The following AUTS2 variants were observed in gnomAD, a reference collection of about 807,000 sequenced individuals.
AUTS2 encodes activator of transcription and developmental regulator AUTS2.
In AUTS2, 17 loss-of-function variants were observed where a neutral mutation model predicts 112.4. The ratio of observed to expected loss-of-function variants is 0.15; its 90% CI spans 0.10 to 0.23. The LOEUF (loss-of-function observed/expected upper bound fraction) is 0.23, where lower values mean the gene tolerates loss of function less well. Among genes scored for constraint, AUTS2 ranks in the 10% least tolerant of loss-of-function variants. The probability of loss-of-function intolerance (pLI) is 1.00; values close to 1 mark genes in which losing one functional copy is unlikely to be tolerated. For missense variants in AUTS2, 1,510 were observed against 1,701.6 expected (o/e 0.89, Z 1.98); for synonymous variants, 751 against 702.7 (o/e 1.07, Z -1.09).
chr7:70,482,884 A>G (rs1372928429), intron 5 of AUTS2, among the ~76,000 whole-genome samples: 1 of 152,192 alleles, frequency 6.6e-6, no homozygotes, highest in Non-Finnish European at 1.5e-5. Flanking sequence ...ACACACACAC[A>G]TAATTCCTAT....
intron 16 of AUTS2, 90 bp from the exon 17 acceptor site, chr7:70,785,865 G>C (rs1791426708): frequency 8.1e-7 from 1 of 1,229,278 alleles, no homozygotes; most frequent in Admixed American, 1.8e-5. Flanking sequence ...GAGAGGGCAG[G>C]GATCCCGCAT....
intron 5 of AUTS2, among the ~76,000 whole-genome samples, chr7:70,463,823 A>G (rs147705427): frequency 1.5e-3 from 230 of 152,356 alleles, no homozygotes; most frequent in African/African-American, 5.2e-3. Context: ...AGAGGGAGGA[A>G]GGAGGATGAA....
intron 4 of AUTS2, among the ~76,000 whole-genome samples, chr7:70,263,378 T>C (rs1017280447): frequency 1.3e-5 from 2 of 152,326 alleles, no homozygotes; most frequent in East Asian, 1.9e-4. Flanking sequence ...ATGATATTGG[T>C]ATTTTTAAAG....
At chr7:70,003,255 ATATATAATATAT>A (rs1799300501) in intron 2 of AUTS2, among the ~76,000 whole-genome samples, 2 of 122,540 alleles carry the variant, frequency 1.6e-5, no homozygotes, top group South Asian at 2.3e-4. Context: ...TTATATATGA[ATATATAATATAT>A]TATATATGTG....
In AUTS2 at chr7:69,774,042, T is replaced by C. The variant is rs12670159; in HGVS notation, c.310-125244T>C. 2.1e-3 allele frequency among the ~76,000 whole-genome samples: 315 copies of C among 152,312 alleles called. 9 individuals are homozygous for C. In the East Asian group the frequency reaches 0.054, roughly 26 times the overall value. ...TGCCCTGCTTTTTCCACTCTAGTGA[T>C]GATAGCGCCCTGGAGGAAGCAGAGT... On this transcript the variant is annotated intron_variant, in intron 1 of 18. Coordinates refer to ENST00000342771, the MANE Select transcript of AUTS2 (RefSeq NM_015570.4).
At chr7:70,479,965 G>A (rs1036669802) in intron 5 of AUTS2, among the ~76,000 whole-genome samples, 1 of 152,196 alleles carries the variant, frequency 6.6e-6, no homozygotes, top group Non-Finnish European at 1.5e-5. Context: ...TGTGTTCCAA[G>A]CACTGTGCTA....
At chr7:69,813,608 C>CA (rs1790639268) in intron 1 of AUTS2, among the ~76,000 whole-genome samples, 1 of 152,208 alleles carries the variant, frequency 6.6e-6, no homozygotes, top group Non-Finnish European at 1.5e-5. Flanking sequence ...AAGTGCTTGG[C>CA]AATGAGTCTT....
At chr7:70,524,878 G>T (rs918129830) in intron 5 of AUTS2, among the ~76,000 whole-genome samples, 1 of 152,158 alleles carries the variant, frequency 6.6e-6, no homozygotes. Context: ...CAGACGCCTC[G>T]ATGAGATCTT....
At chr7:69,919,820 T>C (rs1361270915) in intron 2 of AUTS2, among the ~76,000 whole-genome samples, 1 of 152,084 alleles carries the variant, frequency 6.6e-6, no homozygotes, top group Non-Finnish European at 1.5e-5. Flanking sequence ...TTTGATAATA[T>C]TAATATTTTA....
At chr7:70,251,268 G>T (rs1296949043) in intron 4 of AUTS2, among the ~76,000 whole-genome samples, 1 of 152,070 alleles carries the variant, frequency 6.6e-6, no homozygotes, top group African/African-American at 2.4e-5. Flanking sequence ...GTTTCACCAT[G>T]TTGGCCAGGC....
chr7:69,600,213 C>A (rs1329113615), intron 1 of AUTS2, among the ~76,000 whole-genome samples: 1 of 152,008 alleles, frequency 6.6e-6, no homozygotes, highest in African/African-American at 2.4e-5. Flanking sequence ...CCTCCCTGCA[C>A]CCCCTCCACA....
At chr7:69,924,732 G>C (rs1795941520) in intron 2 of AUTS2, among the ~76,000 whole-genome samples, 9 of 151,950 alleles carry the variant, frequency 5.9e-5, no homozygotes, top group Admixed American at 5.9e-4. Context: ...TGTATTTTTA[G>C]TAGAGATGAG....
At chr7:70,171,782 A>G (rs1369751133) in intron 4 of AUTS2, among the ~76,000 whole-genome samples, 1 of 152,104 alleles carries the variant, frequency 6.6e-6, no homozygotes, top group African/African-American at 2.4e-5. Flanking sequence ...TAAGAAATGA[A>G]TTTTTGTCAG....
At position 70,486,667 on chromosome 7, in the gene AUTS2, G is replaced by A. The variant is rs540583149; in HGVS notation, c.690+50886G>A. Among the ~76,000 whole-genome samples the A allele has an allele frequency of 9.2e-5, 14 of 152,302 alleles. 1 individual carries two copies. The South Asian group carries it at 2.9e-3, about 32-fold the overall frequency. On this transcript the variant is annotated intron_variant, in intron 5 of 18. Transcript: ENST00000342771. ...CCAGCTACTTGGGAGGCTGAGGTGG[G>A]AGGATTGCTTGAACCTAATAGGCAG...
At chr7:69,682,212 T>C (rs1796828463) in intron 1 of AUTS2, among the ~76,000 whole-genome samples, 1 of 152,260 alleles carries the variant, frequency 6.6e-6, no homozygotes, top group African/African-American at 2.4e-5. Flanking sequence ...TACTATTTCC[T>C]GTAATGTTTC....
intron 1 of AUTS2, among the ~76,000 whole-genome samples, chr7:69,889,980 G>T (rs897996020): frequency 2.0e-5 from 3 of 152,106 alleles, no homozygotes; most frequent in African/African-American, 7.2e-5. Flanking sequence ...CCTCAGTCAT[G>T]CTGTGCTCAG....
In AUTS2 at chr7:70,366,328, G is replaced by A. The variant is rs76013822; in HGVS notation, c.661-69424G>A. 3.3e-3 allele frequency among the ~76,000 whole-genome samples: 495 copies of A among 152,174 alleles called. 3 individuals carry two copies. The highest frequency in any genetic ancestry group is 0.011 in the African/African-American group (468 of 41,508). Reference sequence around the variant, plus strand: ...ACACAAAGAAGGACGTAGCTAAAGCGGCTCTGCATTTAGGAAAGGCTTCCT... The same window carrying A: ...ACACAAAGAAGGACGTAGCTAAAGCAGCTCTGCATTTAGGAAAGGCTTCCT... On this transcript the variant is annotated intron_variant, in intron 4 of 18. Coordinates refer to ENST00000342771, the MANE Select transcript of AUTS2 (RefSeq NM_015570.4).
chr7:69,625,895 G>A (rs979708323), intron 1 of AUTS2, among the ~76,000 whole-genome samples: 1 of 152,030 alleles, frequency 6.6e-6, no homozygotes, highest in Non-Finnish European at 1.5e-5. Context: ...GAAGGGAAAG[G>A]GAAGGAGAAG....
rs545806590 is a variant in AUTS2 at position 69,768,471 on chromosome 7, C to A, written c.310-130815C>A. Reference sequence around the variant, plus strand: ...GAGTGTAGCCTGTGAGTGTATATTTCTTTTTGCATGTGGTTAATAAATTAA... The same window carrying A: ...GAGTGTAGCCTGTGAGTGTATATTTATTTTTGCATGTGGTTAATAAATTAA... On this transcript the variant is annotated intron_variant, in intron 1 of 18. Coordinates refer to ENST00000342771, the MANE Select transcript of AUTS2 (RefSeq NM_015570.4). Among the ~76,000 whole-genome samples, 9 of 152,244 alleles carry A rather than the reference C, an allele frequency of 5.9e-5. No individual in the cohort carries two copies. In the East Asian group the frequency reaches 1.5e-3, roughly 26 times the overall value.
Sources: allele counts gnomAD v4.1 joint callset (sites outside exome capture counted in the v4.1 genomes callset), GRCh38; gene constraint gnomAD v4.1.1; transcripts MANE v1.5; gene names NCBI Gene and HGNC (gene_info 2026-07-23, HGNC 2026-07-21).